The following IFFO2 variants were observed in gnomAD, a reference collection of about 807,000 sequenced individuals.
The protein encoded by IFFO2 is intermediate filament family orphan 2.
In IFFO2, 19 loss-of-function variants were observed where a neutral mutation model predicts 53.5. The observed-to-expected ratio is 0.36, with a 90% CI of 0.25 to 0.52. The LOEUF (loss-of-function observed/expected upper bound fraction) is 0.52. Among genes scored for constraint, IFFO2 ranks in the 20% least tolerant of loss-of-function variants. The probability of loss-of-function intolerance (pLI) is 0.94; values close to 1 mark genes in which losing one functional copy is unlikely to be tolerated. For synonymous variants in IFFO2, 303 were observed against 313.6 expected, an observed-to-expected ratio of 0.97 and a Z score of 0.36; for missense variants, 570 against 727.4, an observed-to-expected ratio of 0.78 and a Z score of 2.49.
At chr1:18,932,229 A>G (rs16862387) in intron 1 of IFFO2, among the ~76,000 whole-genome samples, 81,527 of 152,226 alleles carry the variant, frequency 0.54, 24,650 homozygotes, top group African/African-American at 0.82. Context: ...GAGGGTATAC[A>G]CAGGCTCCGA....
chr1:18,918,601 G>A lies in IFFO2; in HGVS notation c.823-99C>T. ...AGACCCCTAGGTGTCAGCAGGGGTGGTGCGGGGAGGCCTCCAGAGTCCGAG... is the reference window on the plus strand; with the variant it reads ...AGACCCCTAGGTGTCAGCAGGGGTGATGCGGGGAGGCCTCCAGAGTCCGAG... On this transcript the variant is annotated intron_variant, in intron 3 of 8. Transcript: ENST00000455833. This position sits in a 1 kb window ranked among gnomAD's most constrained non-coding sequence, Gnocchi z 5.2. 5 of 1,280,232 alleles carry A rather than the reference G, an allele frequency of 3.9e-6. No homozygotes were observed. The highest frequency in any genetic ancestry group is 2.2e-5 in the Admixed American group (1 of 45,284). The allele number at this position is 1,280,232 out of a possible 1,614,324, so 79.3% of individuals were successfully genotyped here.
chr1:18,942,597 C>T lies in IFFO2; in HGVS notation c.665+13071G>A, dbSNP rs7516403. ...AGTGTCACCTCAGAGCCAGAGTTCC[C>T]ACCCAAGAGAAGGCCCAAATCACGG... On this transcript the variant is annotated intron_variant, in intron 1 of 8. Coordinates refer to ENST00000455833, the MANE Select transcript of IFFO2 (RefSeq NM_001136265.2). Among the ~76,000 whole-genome samples the T allele has an allele frequency of 4.9e-3, 752 of 152,308 alleles. 10 individuals are homozygous for T. Among genetic ancestry groups the T allele is most frequent in the African/African-American group, 0.018 (730 of 41,554 alleles).
At position 18,928,062 on chromosome 1, in the gene IFFO2, C is replaced by T. The variant is rs1276353066; in HGVS notation, c.666-6941G>A. On this transcript the variant is annotated intron_variant, in intron 1 of 8. Coordinates refer to ENST00000455833, the MANE Select transcript of IFFO2 (RefSeq NM_001136265.2). The surrounding 1 kb of genome is among the most constrained non-coding windows in gnomAD (Gnocchi z 4.9). ...TCCTGGGCAGCTCAGCACTGATGCACGTGTGGATGCCTTGCCTCCTGACTT... is the reference window on the plus strand; with the variant it reads ...TCCTGGGCAGCTCAGCACTGATGCATGTGTGGATGCCTTGCCTCCTGACTT... 6.6e-6 allele frequency among the ~76,000 whole-genome samples: 1 copy of T among 152,262 alleles called. No homozygotes were observed. The highest frequency in any genetic ancestry group is 1.5e-5 in the Non-Finnish European group (1 of 68,044).
intron 1 of IFFO2, among the ~76,000 whole-genome samples, chr1:18,949,643 C>T (rs983337748): frequency 3.9e-5 from 6 of 152,268 alleles, no homozygotes; most frequent in African/African-American, 1.4e-4. Context: ...TGGAAGGCAA[C>T]GCATCTCGTT....
intron 1 of IFFO2, among the ~76,000 whole-genome samples, chr1:18,952,822 C>T (rs1296977346): frequency 6.6e-6 from 1 of 152,226 alleles, no homozygotes; most frequent in Non-Finnish European, 1.5e-5. Flanking sequence ...GACTTGTACA[C>T]TTAAAATGGG....
At chr1:18,925,964 A>T (rs373881978) in intron 1 of IFFO2, among the ~76,000 whole-genome samples, 5 of 52,954 alleles carry the variant, frequency 9.4e-5, no homozygotes, top group East Asian at 1.3e-3. Flanking sequence ...GATTGGTTGG[A>T]TGGATGGATG....
intron 1 of IFFO2, among the ~76,000 whole-genome samples, chr1:18,953,157 C>T (rs537575904): frequency 1.3e-5 from 2 of 152,308 alleles, no homozygotes; most frequent in African/African-American, 4.8e-5. Context: ...ATGGCCACAA[C>T]AGTCCAGGCA....
chr1:18,930,034 G>A (rs1936354344), intron 1 of IFFO2, among the ~76,000 whole-genome samples: 1 of 152,186 alleles, frequency 6.6e-6, no homozygotes, highest in Non-Finnish European at 1.5e-5. Flanking sequence ...GTAGTGGAGA[G>A]GGGAGCAGGG....
rs761239829 is a variant in IFFO2 at position 18,928,115 on chromosome 1, C to T, written c.666-6994G>A. ...TCTCCCACATGGCACGCTGCAAGCC[C>T]GTCTTCTCCCCCGAAAATGGACAGC... is the stretch of plus-strand genomic sequence containing the variant. On this transcript the variant is annotated intron_variant, in intron 1 of 8. Transcript: ENST00000455833. The surrounding 1 kb of genome is among the most constrained non-coding windows in gnomAD (Gnocchi z 4.9). Among the ~76,000 whole-genome samples the T allele has an allele frequency of 1.3e-5, 2 of 152,174 alleles. No individual in the cohort carries two copies. The highest frequency in any genetic ancestry group is 2.9e-5 in the Non-Finnish European group (2 of 68,036).
rs192078094 is a variant in IFFO2, at chr1:18,913,987, A to T, written c.1104-1904T>A. ...GCTGGGACTACAGGCGCCCGCCACC[A>T]CGCCCGGCTAATTTTTTGTATTTTT... On this transcript the variant is annotated intron_variant, in intron 5 of 8. Transcript: ENST00000455833. Among the ~76,000 whole-genome samples, 188 of 151,960 alleles carry T rather than the reference A, an allele frequency of 1.2e-3. 1 individual carries two copies. The Middle Eastern group carries it at 0.017, about 14-fold the overall frequency.
chr1:18,948,629 G>A (rs545599532), intron 1 of IFFO2, among the ~76,000 whole-genome samples: 4 of 152,346 alleles, frequency 2.6e-5, no homozygotes, highest in South Asian at 4.1e-4. Flanking sequence ...GGCAGGCGGC[G>A]GCAACATCAC....
chr1:18,916,809 G>A lies in IFFO2; in HGVS notation c.1103+94C>T. 7.3e-7 allele frequency: 1 copy of A among 1,369,740 alleles called. No homozygotes were observed. Among genetic ancestry groups the A allele is most frequent in the South Asian group, 1.4e-5 (1 of 71,850 alleles). The allele number at this position is 1,369,740 out of a possible 1,614,324, so 84.8% of individuals were successfully genotyped here. The stretch of plus-strand genomic sequence containing the variant: ...GGAAATGAATTCAAATTCTTCCAGT[G>A]CTGCAGGCTACTCTCAGCCCAAGCC... On this transcript the variant is annotated intron_variant, in intron 5 of 8. Coordinates refer to ENST00000455833, the MANE Select transcript of IFFO2 (RefSeq NM_001136265.2). This position sits in a 1 kb window ranked among gnomAD's most constrained non-coding sequence, Gnocchi z 4.3.
chr1:18,950,302 G>A (rs749584150), intron 1 of IFFO2, among the ~76,000 whole-genome samples: 12 of 152,208 alleles, frequency 7.9e-5, no homozygotes, highest in Non-Finnish European at 1.8e-4. Flanking sequence ...GGCAGTCAGG[G>A]CCATGCTGAG....
chr1:18,927,201 G>A (rs987676213), intron 1 of IFFO2, among the ~76,000 whole-genome samples: 4 of 152,196 alleles, frequency 2.6e-5, no homozygotes, highest in Admixed American at 6.5e-5. Context: ...CCACGTCAAC[G>A]GCACAGCGCA....
In IFFO2 at chr1:18,928,840, C is replaced by T. The variant is rs56115287; in HGVS notation, c.666-7719G>A. Among the ~76,000 whole-genome samples, 12,585 of 152,186 alleles carry T rather than the reference C, an allele frequency of 0.083. 779 individuals carry two copies. The highest frequency in any genetic ancestry group is 0.25 in the East Asian group (1,291 of 5,140). On this transcript the variant is annotated intron_variant, in intron 1 of 8. Coordinates refer to ENST00000455833, the MANE Select transcript of IFFO2 (RefSeq NM_001136265.2). The surrounding 1 kb of genome is among the most constrained non-coding windows in gnomAD (Gnocchi z 4.9). ...CATGACATTTGCAGTGTTATTTGCA[C>T]GCCCTGGATAGGGCCCTTCCTTGGA...
chr1:18,914,942 C>T (rs1337109879), intron 5 of IFFO2, among the ~76,000 whole-genome samples: 3 of 151,996 alleles, frequency 2.0e-5, no homozygotes, highest in Non-Finnish European at 2.9e-5. Flanking sequence ...AATAGCAAAC[C>T]CCCAAAATAC....
intron 1 of IFFO2, among the ~76,000 whole-genome samples, chr1:18,946,695 G>A (rs554518033): frequency 1.3e-5 from 2 of 151,606 alleles, no homozygotes; most frequent in East Asian, 3.9e-4. Flanking sequence ...GGGATTACAG[G>A]CATGAGCTAC....
chr1:18,910,507 A>C, intron 7 of IFFO2, 35 bp from the exon 8 acceptor site: 1 of 1,589,430 alleles, frequency 6.3e-7, no homozygotes, highest in Non-Finnish European at 8.6e-7. Context: ...GGGTGAGGGC[A>C]AGTCATCCTC....
Position 18,916,790 on chromosome 1 carries a change from G to C in IFFO2, c.1103+113C>G. On this transcript the variant is annotated intron_variant, in intron 5 of 8. Coordinates refer to ENST00000455833, the MANE Select transcript of IFFO2 (RefSeq NM_001136265.2). The surrounding 1 kb of genome is among the most constrained non-coding windows in gnomAD (Gnocchi z 4.3). ...CCTGTCTCAAAAAAAAAAAGGAAAT[G>C]AATTCAAATTCTTCCAGTGCTGCAG... The C allele has an allele frequency of 8.0e-7, 1 of 1,251,510 alleles. No individual in the cohort carries two copies. Among genetic ancestry groups the C allele is most frequent in the Non-Finnish European group, 1.1e-6 (1 of 918,428 alleles). 77.5% of individuals were successfully genotyped at this position (1,251,510 alleles called of 1,614,324 possible).
Sources: allele counts gnomAD v4.1 joint callset (sites outside exome capture counted in the v4.1 genomes callset), GRCh38; gene constraint gnomAD v4.1.1; non-coding constraint Gnocchi (gnomAD v3.1); transcripts MANE v1.5; gene names NCBI Gene and HGNC (gene_info 2026-07-23, HGNC 2026-07-21).